Variants in SRP54 observed in about 807,000 individuals in gnomAD.
SRP54 encodes signal recognition particle 54, also known as signal recognition particle subunit SRP54.
SRP54 carries 10 observed loss-of-function variants against 64.8 expected under a neutral mutation model. The observed-to-expected ratio is 0.15, with a 90% confidence interval of 0.10 to 0.26. SRP54 has a LOEUF of 0.26. Among genes scored for constraint, SRP54 ranks in the 10% least tolerant of loss-of-function variants. SRP54 has a pLI of 1.00. For missense variants in SRP54, 325 were observed against 613.7 expected (o/e 0.53, Z 4.97); for synonymous variants, 193 against 185.6 (o/e 1.04, Z -0.32).
chr14:34,998,999 GTGTGTGTGTGTGTGGTT>G lies in SRP54; in HGVS notation c.79-557_79-541del, dbSNP rs1191055348. On this transcript the variant is annotated intron_variant, in intron 2 of 15. Coordinates refer to ENST00000216774, the MANE Select transcript of SRP54 (RefSeq NM_003136.4). ...TGTGTGTGTGTGTGTGTGTGTGTGTGTGTGTGTGTGTGTGGTTTTTTTTTTTTTTTTTTGAGACAAAG... is the reference window on the plus strand; with the variant it reads ...TGTGTGTGTGTGTGTGTGTGTGTGTGTTTTTTTTTTTTTTTTGAGACAAAG... Among the ~76,000 whole-genome samples, 28 of 96,966 alleles carry G rather than the reference GTGTGTGTGTGTGTGGTT, an allele frequency of 2.9e-4. 1 individual carries two copies. The highest frequency in any genetic ancestry group is 2.3e-3 in the South Asian group (6 of 2,666). 63.6% of individuals were successfully genotyped at this position (96,966 alleles called of 152,430 possible).
chr14:35,001,946 A>G (rs1345086142), intron 4 of SRP54, among the ~76,000 whole-genome samples: 2 of 151,444 alleles, frequency 1.3e-5, no homozygotes, highest in South Asian at 2.1e-4. Flanking sequence ...CATGCCTGTA[A>G]TCACAGTGCT....
chr14:34,996,932 G>C, intron 2 of SRP54, 145 bp downstream of exon 2: 1 of 482,842 alleles, frequency 2.1e-6, no homozygotes, highest in Non-Finnish European at 3.6e-6. Context: ...GATACAGTAA[G>C]TAGTGTTTTA....
chr14:35,008,598 A>G (rs199909535), intron 5 of SRP54, 29 bp from the exon 6 acceptor site: 5 of 1,419,366 alleles, frequency 3.5e-6, no homozygotes, highest in African/African-American at 2.9e-5. Context: ...ATTTTATGAT[A>G]TTATATTTTT....
At chr14:35,027,021 A>G (rs1009259344) in intron 14 of SRP54, among the ~76,000 whole-genome samples, 1 of 136,982 alleles carries the variant, frequency 7.3e-6, no homozygotes, top group Non-Finnish European at 1.6e-5. Context: ...TTTACTTTCT[A>G]CTTTCTTTTT....
At chr14:35,009,862 T>TA (rs754343171) in intron 7 of SRP54, among the ~76,000 whole-genome samples, 9 of 151,984 alleles carry the variant, frequency 5.9e-5, no homozygotes, top group Non-Finnish European at 7.4e-5. Context: ...ACCTCATCTC[T>TA]ACAAAAAATA....
intron 2 of SRP54, 42 bp from the exon 3 acceptor site, chr14:34,999,516 A>T: frequency 6.9e-7 from 1 of 1,458,338 alleles, no homozygotes; most frequent in South Asian, 1.2e-5. Flanking sequence ...ACTGAAATGA[A>T]ACATTGGGTG....
At position 35,007,270 on chromosome 14, in the gene SRP54, T is replaced by G; in HGVS notation, c.256-13T>G. Reference sequence around the variant, plus strand: ...TAACCTGATTTTATTTTTAATTTATTTTTGGTATTTAGCTTGTAGACCCTG... The same window carrying G: ...TAACCTGATTTTATTTTTAATTTATGTTTGGTATTTAGCTTGTAGACCCTG... On this transcript the variant is annotated splice_polypyrimidine_tract_variant and intron_variant, in intron 4 of 15. Transcript: ENST00000216774. The G allele has an allele frequency of 1.3e-6, 2 of 1,518,498 alleles. No individual in the cohort carries two copies. The highest frequency in any genetic ancestry group is 1.8e-6 in the Non-Finnish European group (2 of 1,113,332). The allele number at this position is 1,518,498 out of a possible 1,614,324, so 94.1% of individuals were successfully genotyped here.
chr14:35,001,636 C>T (rs993030416), intron 4 of SRP54, among the ~76,000 whole-genome samples: 1 of 152,156 alleles, frequency 6.6e-6, no homozygotes, highest in African/African-American at 2.4e-5. Context: ...AGTGATGGTC[C>T]TGCTTTTGTA....
In SRP54 at chr14:35,018,989, A is replaced by C; in HGVS notation, c.1071A>C (p.Thr357=). ...AGGGGATGATCCCTGGTTTTGGGAC[A>C]GATTTTATGAGCAAAGGAAATGAAC... ...QILGMIPGFG[T]DFMSKGNEQE... Residue 357 remains threonine (T), a synonymous_variant, in exon 13 of 16, where the codon ACA becomes ACC. Coordinates refer to ENST00000216774, the MANE Select transcript of SRP54 (RefSeq NM_003136.4). The C allele has an allele frequency of 6.2e-7, 1 of 1,613,900 alleles. No individual in the cohort carries two copies. The highest frequency in any genetic ancestry group is 1.1e-5 in the South Asian group (1 of 91,082).
chr14:34,985,276 A>G (rs1248735794), intron 1 of SRP54, among the ~76,000 whole-genome samples: 1 of 152,222 alleles, frequency 6.6e-6, no homozygotes, highest in Admixed American at 6.5e-5. Context: ...AAAAAGTGAA[A>G]CATTAAAAAT....
intron 1 of SRP54, among the ~76,000 whole-genome samples, chr14:34,993,051 G>T (rs1406212775): frequency 6.6e-6 from 1 of 151,974 alleles, no homozygotes; most frequent in Non-Finnish European, 1.5e-5. Context: ...GTAGAGATGG[G>T]GTTTCACCAT....
chr14:35,020,553 A>C (rs1199727063), intron 13 of SRP54, among the ~76,000 whole-genome samples: 1 of 152,192 alleles, frequency 6.6e-6, no homozygotes, highest in Non-Finnish European at 1.5e-5. Flanking sequence ...ACAATTTTTC[A>C]TATCTGTGCT....
chr14:35,020,730 A>C lies in SRP54; in HGVS notation c.1156+1656A>C, dbSNP rs2044516190. 2.0e-5 allele frequency among the ~76,000 whole-genome samples: 3 copies of C among 152,338 alleles called. No homozygotes were observed. In the South Asian group the frequency reaches 6.2e-4, roughly 32 times the overall value. On this transcript the variant is annotated intron_variant, in intron 13 of 15. Coordinates refer to ENST00000216774, the MANE Select transcript of SRP54 (RefSeq NM_003136.4). ...TGCATGTAGAATTCATAATTGCAGC[A>C]TATCTAAAGTATCCATTCTGTGCCA...
chr14:35,028,250 GC>G, intron 15 of SRP54, 67 bp downstream of exon 15: 3 of 941,802 alleles, frequency 3.2e-6, no homozygotes, highest in Non-Finnish European at 4.9e-6. Flanking sequence ...TTAATGATAA[GC>G]CTTTTATTGT....
intron 13 of SRP54, among the ~76,000 whole-genome samples, chr14:35,020,448 C>T (rs1295279289): frequency 6.6e-6 from 1 of 152,234 alleles, no homozygotes; most frequent in Non-Finnish European, 1.5e-5. Context: ...GCATTTTACC[C>T]ACAGTAGAAC....
Position 34,996,748 on chromosome 14 carries a change from A to G in SRP54, c.39A>G (p.Ala13=), listed in dbSNP as rs1357290408. 6.2e-7 allele frequency: 1 copy of G among 1,613,534 alleles called. No homozygotes were observed. The highest frequency in any genetic ancestry group is 1.3e-5 in the African/African-American group (1 of 74,918). ...ACCTTGGAAGAAAAATAACATCAGC[A>G]TTACGCTCGTTGAGCAATGCCACCA... ...LADLGRKITS[A]LRSLSNATII... is the part of the protein sequence containing the mutation. The change falls in exon 2 of 16, where the codon GCA becomes GCG. Residue 13 remains alanine, a synonymous_variant. Coordinates refer to ENST00000216774, the MANE Select transcript of SRP54 (RefSeq NM_003136.4).
chr14:35,001,008 A>G lies in SRP54; in HGVS notation c.243A>G (p.Lys81=). Residue 81 remains lysine, a synonymous_variant, in exon 4 of 16, where the codon AAA becomes AAG. Coordinates refer to ENST00000216774, the MANE Select transcript of SRP54 (RefSeq NM_003136.4). The stretch of plus-strand genomic sequence containing the variant: ...AAATGATTCAGCATGCTGTATTTAA[A>G]GAACTTGTGAAGGTAAAAGTATATG... ...KRKMIQHAVF[K]ELVKLVDPGV... 1 of 1,582,574 alleles carries G rather than the reference A, an allele frequency of 6.3e-7. No individual in the cohort carries two copies. Among genetic ancestry groups the G allele is most frequent in the South Asian group, 1.2e-5 (1 of 86,612 alleles).
At chr14:35,017,407 C>CA (rs2044461238) in intron 11 of SRP54, among the ~76,000 whole-genome samples, 1 of 152,186 alleles carries the variant, frequency 6.6e-6, no homozygotes. Flanking sequence ...TTTTCAGACT[C>CA]TAAGTTCTAT....
chr14:35,006,041 G>A (rs8005641), intron 4 of SRP54, among the ~76,000 whole-genome samples: 55,847 of 151,588 alleles, frequency 0.37, 10,881 homozygotes, highest in East Asian at 0.69. Flanking sequence ...GGGTTTCACC[G>A]TGTTAGCCAG....
Sources: allele counts gnomAD v4.1 joint callset (sites outside exome capture counted in the v4.1 genomes callset), GRCh38; gene constraint gnomAD v4.1.1; transcripts MANE v1.5; gene names NCBI Gene and HGNC (gene_info 2026-07-23, HGNC 2026-07-21).